DGKG: variants seen among roughly 807,000 people sequenced by gnomAD.
DGKG encodes DAG kinase gamma.
A neutral mutation model predicts 105.3 loss-of-function variants in DGKG; 78 were observed. The observed-to-expected ratio is 0.74, with a 90% CI of 0.62 to 0.89. The LOEUF is 0.89. Among genes scored for constraint, DGKG ranks in the 40% least tolerant of loss-of-function variants. The pLI, the probability that DGKG is intolerant of heterozygous loss-of-function variation, is 0.00. For missense variants in DGKG, 958 were observed against 1,020.1 expected (o/e 0.94, Z 0.83); for synonymous variants, 346 against 367.1 (o/e 0.94, Z 0.66).
rs780783240 is a variant in DGKG at position 186,188,336 on chromosome 3, C to T, written c.1961G>A (p.Gly654Asp). ...GCTGGGAATGTTGAGAATGGCAATGCCTTCCAGGAAGATGTTGCTCAGGTC... is the reference window on the plus strand; with the variant it reads ...GCTGGGAATGTTGAGAATGGCAATGTCTTCCAGGAAGATGTTGCTCAGGTC... ...GVDLSNIFLE[G>D]IAILNIPSMY... The change falls in exon 22 of 25, where the codon GGC (glycine) becomes GAC (aspartate). Residue 654 changes from glycine (G) to aspartate (D), a missense_variant. This residue lies in a region of DGKG where 315 missense variants were observed against 400.6 expected (regional missense o/e 0.79). Coordinates refer to ENST00000265022, the MANE Select transcript of DGKG (RefSeq NM_001346.3). The T allele has an allele frequency of 1.2e-5, 19 of 1,614,128 alleles. No individual in the cohort carries two copies. In the South Asian group the frequency reaches 2.1e-4, roughly 18 times the overall value.
chr3:186,281,999 C>CT (rs1397858281), intron 7 of DGKG, among the ~76,000 whole-genome samples: 1 of 152,168 alleles, frequency 6.6e-6, no homozygotes, highest in East Asian at 1.9e-4. Flanking sequence ...TTAAGCCTGC[C>CT]TTATGAGAAC....
At chr3:186,346,676 C>G (rs1196054100) in intron 1 of DGKG, among the ~76,000 whole-genome samples, 1 of 152,100 alleles carries the variant, frequency 6.6e-6, no homozygotes, top group Admixed American at 6.6e-5. Context: ...CTATACTATA[C>G]TATACTCAGT....
At chr3:186,349,666 A>G (rs909192120) in intron 1 of DGKG, among the ~76,000 whole-genome samples, 1 of 152,182 alleles carries the variant, frequency 6.6e-6, no homozygotes, top group African/African-American at 2.4e-5. Flanking sequence ...GCCCCAGCAC[A>G]AGGCACATCT....
chr3:186,295,107 A>G (rs1281551741), intron 5 of DGKG, among the ~76,000 whole-genome samples: 1 of 152,200 alleles, frequency 6.6e-6, no homozygotes, highest in Non-Finnish European at 1.5e-5. Context: ...AGGAGAAAAG[A>G]TTAGAACTAC....
chr3:186,178,414 G>C (rs555806830), intron 22 of DGKG, among the ~76,000 whole-genome samples: 1 of 152,306 alleles, frequency 6.6e-6, no homozygotes, highest in South Asian at 2.1e-4. Context: ...GCAAGTGCAA[G>C]AGGGAAAAAC....
In DGKG at chr3:186,188,287, C is replaced by A. The variant is rs1482297454; in HGVS notation, c.2010G>T (p.Trp670Cys). Residue 670 changes from tryptophan to cysteine, a missense_variant, in exon 22 of 25, where the codon TGG becomes TGT. This residue lies in a region of DGKG where 315 missense variants were observed against 400.6 expected (regional missense o/e 0.79). Transcript: ENST00000265022. ...IPSMYGGTNL[W>C]GENKKNRAVI... ...CAGCCCGGTTCTTCTTGTTTTCTCCCCAGAGATTGGTGCCTCCGTACATGC... is the reference window on the plus strand; with the variant it reads ...CAGCCCGGTTCTTCTTGTTTTCTCCACAGAGATTGGTGCCTCCGTACATGC... 1.2e-6 allele frequency: 2 copies of A among 1,614,044 alleles called. No individual in the cohort carries two copies. Among genetic ancestry groups the A allele is most frequent in the Non-Finnish European group, 1.7e-6 (2 of 1,180,046 alleles).
In DGKG at chr3:186,346,932, C is replaced by T. The variant is rs141274297; in HGVS notation, c.-249+15014G>A. 1.3e-3 allele frequency among the ~76,000 whole-genome samples: 205 copies of T among 152,224 alleles called. 4 individuals carry two copies. The highest frequency in any genetic ancestry group is 0.011 in the Admixed American group (173 of 15,292). Reference sequence around the variant, plus strand: ...GACAGATGTATGTTAGATTTTCCCTCTGCAATTGTGTTTTGACAATTTTAT... The same window carrying T: ...GACAGATGTATGTTAGATTTTCCCTTTGCAATTGTGTTTTGACAATTTTAT... On this transcript the variant is annotated intron_variant, in intron 1 of 24. Coordinates refer to ENST00000265022, the MANE Select transcript of DGKG (RefSeq NM_001346.3).
chr3:186,158,824 A>T (rs1184553942), intron 24 of DGKG: 1 of 900,272 alleles, frequency 1.1e-6, no homozygotes, highest in Non-Finnish European at 1.3e-6. Context: ...TTTTATGACC[A>T]CTATATCTCA....
At position 186,348,151 on chromosome 3, in the gene DGKG, T is replaced by C. The variant is rs566323267; in HGVS notation, c.-249+13795A>G. ...TCATTAAGTTTCTTATGTATCTTCT[T>C]TGTTGAGAGTAATTTTGGCAGTTGC... is the stretch of plus-strand genomic sequence containing the variant. On this transcript the variant is annotated intron_variant, in intron 1 of 24. Coordinates refer to ENST00000265022, the MANE Select transcript of DGKG (RefSeq NM_001346.3). Among the ~76,000 whole-genome samples, 350 of 152,258 alleles carry C rather than the reference T, an allele frequency of 2.3e-3. 1 individual carries two copies. Among genetic ancestry groups the C allele is most frequent in the Non-Finnish European group, 4.1e-3 (277 of 68,016 alleles).
rs1477578898 is a variant in DGKG, at chr3:186,226,538, ACT to A, written c.1827-14655_1827-14654del. Among the ~76,000 whole-genome samples the A allele has an allele frequency of 6.6e-6, 1 of 151,932 alleles. No homozygotes were observed. Among genetic ancestry groups the A allele is most frequent in the Non-Finnish European group, 1.5e-5 (1 of 68,012 alleles). ...AAGGGGGAACCTGACTAATTACAACACTCTGTTGAGAGCTCCAATAAAAGTTT... is the reference window on the plus strand; with the variant it reads ...AAGGGGGAACCTGACTAATTACAACACTGTTGAGAGCTCCAATAAAAGTTT... On this transcript the variant is annotated intron_variant, in intron 20 of 24. Transcript: ENST00000265022. This position sits in a 1 kb window ranked among gnomAD's most constrained non-coding sequence, Gnocchi z 4.2.
rs551072130 is a variant in DGKG, at chr3:186,227,309, C to T, written c.1826+15195G>A. Among the ~76,000 whole-genome samples the T allele has an allele frequency of 1.5e-3, 229 of 152,314 alleles. 2 individuals are homozygous for T. Among genetic ancestry groups the T allele is most frequent in the African/African-American group, 5.3e-3 (222 of 41,568 alleles). On this transcript the variant is annotated intron_variant, in intron 20 of 24. Coordinates refer to ENST00000265022, the MANE Select transcript of DGKG (RefSeq NM_001346.3). ...AACTTCAAATCCATTGATTTATCTA[C>T]TCTAATTCTCACAGGCACCTTGTCA... is the stretch of plus-strand genomic sequence containing the variant.
intron 1 of DGKG, among the ~76,000 whole-genome samples, chr3:186,328,796 C>A (rs952219462): frequency 6.6e-6 from 1 of 152,144 alleles, no homozygotes; most frequent in Non-Finnish European, 1.5e-5. Flanking sequence ...CCAGGCTGGT[C>A]TCGAACTCCT....
chr3:186,252,314 GC>G (rs1721266003), intron 18 of DGKG, among the ~76,000 whole-genome samples: 1 of 152,230 alleles, frequency 6.6e-6, no homozygotes, highest in Non-Finnish European at 1.5e-5. Context: ...GGTCCTGCTT[GC>G]TTTGACACTG....
At chr3:186,318,111 C>T (rs1019552463) in intron 2 of DGKG, among the ~76,000 whole-genome samples, 4 of 152,202 alleles carry the variant, frequency 2.6e-5, no homozygotes, top group African/African-American at 9.7e-5. Context: ...CCAAAGGATC[C>T]TGCCCAGTTC....
chr3:186,185,968 C>G (rs1352091001), intron 22 of DGKG, among the ~76,000 whole-genome samples: 2 of 151,760 alleles, frequency 1.3e-5, no homozygotes, highest in Non-Finnish European at 2.9e-5. Flanking sequence ...CGTGATGGTG[C>G]ACGCCTGTAA....
At chr3:186,158,068 T>A (rs1716122581) in intron 24 of DGKG, 1 of 394,826 alleles carries the variant, frequency 2.5e-6, no homozygotes, top group South Asian at 1.1e-4. Context: ...CATTTATATT[T>A]TTTACCTTTT....
intron 20 of DGKG, among the ~76,000 whole-genome samples, chr3:186,214,696 T>C (rs1483516279): frequency 2.0e-5 from 3 of 152,228 alleles, no homozygotes; most frequent in Non-Finnish European, 2.9e-5. Flanking sequence ...TAATTGCTAA[T>C]ATACTTCGGA....
At chr3:186,189,834 T>G (rs1455447681) in intron 21 of DGKG, among the ~76,000 whole-genome samples, 1 of 152,188 alleles carries the variant, frequency 6.6e-6, no homozygotes, top group Non-Finnish European at 1.5e-5. Flanking sequence ...CTCTTTATGT[T>G]GATCTGGATT....
intron 21 of DGKG, among the ~76,000 whole-genome samples, chr3:186,204,805 A>G (rs188305280): frequency 4.1e-4 from 62 of 152,282 alleles, no homozygotes; most frequent in African/African-American, 1.4e-3. Flanking sequence ...TGGGTCATAT[A>G]GGCTATAAAT....
Sources: gnomAD v4.1 joint callset for allele counts (sites outside exome capture counted in the v4.1 genomes callset) on GRCh38, gnomAD v4.1.1 for gene constraint, gnomAD v4.1.1 regional missense constraint, Gnocchi (gnomAD v3.1) non-coding constraint, MANE v1.5 for transcripts, NCBI Gene and HGNC (gene_info 2026-07-23, HGNC 2026-07-21) for gene names.